SYNGR1: variants seen among roughly 807,000 people sequenced by gnomAD.
SYNGR1 encodes synaptogyrin-1.
In SYNGR1, 14 loss-of-function variants were observed where a neutral mutation model predicts 26.1. The ratio of observed to expected loss-of-function variants is 0.54; its 90% CI spans 0.35 to 0.84. SYNGR1 has a LOEUF of 0.84. Among genes scored for constraint, SYNGR1 ranks in the 40% least tolerant of loss-of-function variants. SYNGR1 has a pLI of 0.01. For synonymous variants in SYNGR1, 141 were observed against 150.1 expected (o/e 0.94, Z 0.44); for missense variants, 319 against 332.9 (o/e 0.96, Z 0.33).
intron 1 of SYNGR1, among the ~76,000 whole-genome samples, chr22:39,359,446 C>T (rs1924353941): frequency 7.2e-6 from 1 of 139,274 alleles, no homozygotes; most frequent in African/African-American, 2.5e-5. Flanking sequence ...ACAGTGAAAC[C>T]CCGTCTCTAC....
intron 1 of SYNGR1, among the ~76,000 whole-genome samples, chr22:39,373,016 C>A (rs1206135905): frequency 6.6e-6 from 1 of 151,988 alleles, no homozygotes; most frequent in Non-Finnish European, 1.5e-5. Context: ...GAAGTGATAT[C>A]CCATCACTTC....
intron 1 of SYNGR1, among the ~76,000 whole-genome samples, chr22:39,358,659 C>T (rs1431197018): frequency 2.0e-5 from 3 of 152,134 alleles, no homozygotes; most frequent in Non-Finnish European, 2.9e-5. Flanking sequence ...AAGGATGAAA[C>T]TCCGGACACA....
chr22:39,375,902 A>AC, intron 2 of SYNGR1, 150 bp from the exon 3 acceptor site: 3 of 1,020,384 alleles, frequency 2.9e-6, no homozygotes, highest in East Asian at 2.4e-5. Context: ...CTCTTCCCCT[A>AC]CCCCCTTTGC....
intron 1 of SYNGR1, among the ~76,000 whole-genome samples, chr22:39,362,406 C>G (rs113838892): frequency 2.7e-4 from 13 of 49,026 alleles, no homozygotes; most frequent in African/African-American, 7.6e-4. Context: ...CTGCACAACC[C>G]GGTGTGAGGC....
At chr22:39,361,969 C>A (rs1924494128) in intron 1 of SYNGR1, among the ~76,000 whole-genome samples, 1 of 151,228 alleles carries the variant, frequency 6.6e-6, no homozygotes, top group Non-Finnish European at 1.5e-5. Flanking sequence ...AGGCCCTGGG[C>A]CAGTCAAGTG....
At chr22:39,355,838 C>G (rs921367113) in intron 1 of SYNGR1, among the ~76,000 whole-genome samples, 1 of 152,014 alleles carries the variant, frequency 6.6e-6, no homozygotes, top group Admixed American at 6.6e-5. Flanking sequence ...GCCAACATAG[C>G]GAAACCCTAT....
In SYNGR1 at chr22:39,374,454, C is replaced by T; in HGVS notation, c.238C>T (p.Leu80Phe). Reference sequence around the variant, plus strand: ...CGTGGCCGTGGGCGTGCTCGCCTTCCTCACCTGCCTGCTGTACCTGGCCCT... The same window carrying T: ...CGTGGCCGTGGGCGTGCTCGCCTTCTTCACCTGCCTGCTGTACCTGGCCCT... ...YGVAVGVLAF[L>F]TCLLYLALDV... Residue 80 changes from leucine to phenylalanine, a missense_variant, in exon 2 of 4, where the codon CTC (leucine) becomes TTC (phenylalanine). Physicochemically the swap from Leu to Phe is conservative, Grantham distance 22. Coordinates refer to ENST00000328933, the MANE Select transcript of SYNGR1 (RefSeq NM_004711.5). 1.2e-6 allele frequency: 2 copies of T among 1,614,020 alleles called. No homozygotes were observed. The highest frequency in any genetic ancestry group is 8.5e-7 in the Non-Finnish European group (1 of 1,180,038).
chr22:39,376,279 G>A (rs1321714231), intron 3 of SYNGR1, 82 bp downstream of exon 3: 6 of 1,606,950 alleles, frequency 3.7e-6, no homozygotes, highest in Non-Finnish European at 4.2e-6. Flanking sequence ...TCGCTAGCCT[G>A]GGACCCGCTC....
At chr22:39,376,335 T>C in intron 3 of SYNGR1, 138 bp downstream of exon 3, 1 of 1,426,552 alleles carries the variant, frequency 7.0e-7, no homozygotes, top group Non-Finnish European at 9.7e-7. Flanking sequence ...TCTGCCTGCC[T>C]GTCTGCGGCG....
At chr22:39,354,656 A>C (rs2145605354) in intron 1 of SYNGR1, among the ~76,000 whole-genome samples, 1 of 152,322 alleles carries the variant, frequency 6.6e-6, no homozygotes, top group East Asian at 1.9e-4. Flanking sequence ...CCTGGCCAAC[A>C]TGGTGAAACC....
At position 39,382,958 on chromosome 22, in the gene SYNGR1, G is replaced by A. The variant is rs1925547447; in HGVS notation, c.*1044G>A. 1 of 152,326 alleles carries A rather than the reference G, an allele frequency of 6.6e-6. No individual in the cohort carries two copies. The highest frequency in any genetic ancestry group is 1.5e-5 in the Non-Finnish European group (1 of 68,132). The allele number at this position is 152,326 out of a possible 1,614,324, so 9.4% of individuals were successfully genotyped here. A position where few individuals can be genotyped will look rare whatever the true frequency, so the allele number is the denominator to read the frequency against. Reference sequence around the variant, plus strand: ...TTACCTAGGGCTGGGTGGACAACAAGGCACAGATGAGGGTGTGACTGGCCC... The same window carrying A: ...TTACCTAGGGCTGGGTGGACAACAAAGCACAGATGAGGGTGTGACTGGCCC... On this transcript the variant is annotated 3_prime_UTR_variant, in exon 4 of 4. Transcript: ENST00000328933.
At position 39,381,971 on chromosome 22, in the gene SYNGR1, GC is replaced by G; in HGVS notation, c.*61del. The G allele has an allele frequency of 6.5e-7, 1 of 1,532,014 alleles. No individual in the cohort carries two copies. The highest frequency in any genetic ancestry group is 2.4e-5 in the East Asian group (1 of 41,236). The allele number at this position is 1,532,014 out of a possible 1,614,324, so 94.9% of individuals were successfully genotyped here. ...CATCTGTCCCCTCTCTCCACACCCA[GC>G]CCCTGCTCCTGCCCAGGCTGCCCTG... On this transcript the variant is annotated 3_prime_UTR_variant, in exon 4 of 4. Coordinates refer to ENST00000328933, the MANE Select transcript of SYNGR1 (RefSeq NM_004711.5).
At chr22:39,373,500 T>A (rs1182939983) in intron 1 of SYNGR1, among the ~76,000 whole-genome samples, 1 of 151,812 alleles carries the variant, frequency 6.6e-6, no homozygotes, top group Non-Finnish European at 1.5e-5. Flanking sequence ...TTTGTTTTTT[T>A]GAGACAGAGC....
intron 1 of SYNGR1, among the ~76,000 whole-genome samples, chr22:39,372,888 C>A (rs1925094936): frequency 6.6e-6 from 1 of 152,088 alleles, no homozygotes; most frequent in Non-Finnish European, 1.5e-5. Context: ...CAGTTCCTTG[C>A]CATGCAGTCT....
At chr22:39,372,980 C>G (rs1248918397) in intron 1 of SYNGR1, among the ~76,000 whole-genome samples, 4 of 152,064 alleles carry the variant, frequency 2.6e-5, no homozygotes, top group Non-Finnish European at 5.9e-5. Flanking sequence ...AAGATGGAGG[C>G]AGAAATCCTT....
At position 39,370,463 on chromosome 22, in the gene SYNGR1, A is replaced by G. The variant is rs192775777; in HGVS notation, c.100-3853A>G. 2.0e-3 allele frequency among the ~76,000 whole-genome samples: 310 copies of G among 151,908 alleles called. 1 individual carries two copies. Among genetic ancestry groups the G allele is most frequent in the African/African-American group, 6.5e-3 (271 of 41,416 alleles). ...GCTAATTTTGGTATTTTTTGTAGAG[A>G]TGCGGTTTTACAATGTTGCCCACGC... On this transcript the variant is annotated intron_variant, in intron 1 of 3. Coordinates refer to ENST00000328933, the MANE Select transcript of SYNGR1 (RefSeq NM_004711.5).
At chr22:39,375,840 G>A in intron 2 of SYNGR1, 2 of 677,054 alleles carry the variant, frequency 3.0e-6, no homozygotes, top group Non-Finnish European at 5.4e-6. Context: ...CCTCCCCCCT[G>A]CATCTGGCTG....
Position 39,362,979 on chromosome 22 carries a change from T to C in SYNGR1, c.100-11337T>C, listed in dbSNP as rs139829672. The stretch of plus-strand genomic sequence containing the variant: ...TTATATTGTGATGTTACCAAGAAAA[T>C]TAATTGAGGCACTGGAGAATACCTT... On this transcript the variant is annotated intron_variant, in intron 1 of 3. Coordinates refer to ENST00000328933, the MANE Select transcript of SYNGR1 (RefSeq NM_004711.5). 2.5e-3 allele frequency among the ~76,000 whole-genome samples: 383 copies of C among 152,092 alleles called. 2 individuals carry two copies. Among genetic ancestry groups the C allele is most frequent in the African/African-American group, 8.8e-3 (363 of 41,478 alleles).
Position 39,384,167 on chromosome 22 carries a change from C to T in SYNGR1, c.*2253C>T. ...ACAAGAGGCTGTGAGATGTTCTGACCCTCACCCACTGTCCACCAAAAGCCT... is the reference window on the plus strand; with the variant it reads ...ACAAGAGGCTGTGAGATGTTCTGACTCTCACCCACTGTCCACCAAAAGCCT... On this transcript the variant is annotated 3_prime_UTR_variant, in exon 4 of 4. Coordinates refer to ENST00000328933, the MANE Select transcript of SYNGR1 (RefSeq NM_004711.5). The T allele has an allele frequency of 4.9e-6, 1 of 204,752 alleles. No individual in the cohort carries two copies. The allele number at this position is 204,752 out of a possible 1,614,324, so 12.7% of individuals were successfully genotyped here.
Sources: allele counts gnomAD v4.1 joint callset (sites outside exome capture counted in the v4.1 genomes callset), GRCh38; gene constraint gnomAD v4.1.1; transcripts MANE v1.5; gene names NCBI Gene and HGNC (gene_info 2026-07-23, HGNC 2026-07-21).